Variants in CDCA2 observed in about 807,000 individuals in gnomAD.
CDCA2 encodes the protein cell division cycle associated 2.
A neutral mutation model predicts 67.0 loss-of-function variants in CDCA2; 44 were observed. That is an observed-to-expected ratio of 0.66 (90% CI 0.52 to 0.84). The LOEUF (loss-of-function observed/expected upper bound fraction) is 0.84. CDCA2 is among the 40% of genes least tolerant of loss of function. CDCA2 has a pLI of 0.00. For synonymous variants in CDCA2, 447 were observed against 418.7 expected, an observed-to-expected ratio of 1.07 and a Z score of -0.82; for missense variants, 1,253 against 1,203.2, an observed-to-expected ratio of 1.04 and a Z score of -0.61.
In CDCA2 at chr8:25,480,016, G is replaced by A. The variant is rs1173315724; in HGVS notation, c.924G>A (p.Arg308=). ...GCTCAGACGCAGTCCCTGATGTCAGGTCACCAGCTACTCCAGCCTGCAGGA... is the reference window on the plus strand; with the variant it reads ...GCTCAGACGCAGTCCCTGATGTCAGATCACCAGCTACTCCAGCCTGCAGGA... ...EVSSDAVPDV[R]SPATPACRRD... is the part of the protein sequence containing the mutation. Residue 308 remains arginine (R), a synonymous_variant, in exon 8 of 15, where the codon AGG becomes AGA. Transcript: ENST00000330560. 2 of 1,614,078 alleles carry A rather than the reference G, an allele frequency of 1.2e-6. No individual in the cohort carries two copies. Among genetic ancestry groups the A allele is most frequent in the East Asian group, 4.5e-5 (2 of 44,862 alleles).
At chr8:25,490,625 A>G (rs1803965687) in intron 13 of CDCA2, among the ~76,000 whole-genome samples, 2 of 152,146 alleles carry the variant, frequency 1.3e-5, no homozygotes, top group South Asian at 4.1e-4. Flanking sequence ...ACTGAAAAAC[A>G]GAGAAATGAA....
At chr8:25,484,355 G>GT in intron 10 of CDCA2, 145 bp downstream of exon 10, 2 of 1,121,832 alleles carry the variant, frequency 1.8e-6, no homozygotes, top group South Asian at 3.2e-5. Flanking sequence ...TTGTATGTAG[G>GT]TTTTTATGAG....
intron 4 of CDCA2, among the ~76,000 whole-genome samples, chr8:25,464,374 C>T (rs1233936188): frequency 2.0e-5 from 3 of 152,152 alleles, no homozygotes; most frequent in African/African-American, 7.2e-5. Flanking sequence ...TGTGATTGTG[C>T]CACTGCACTC....
At chr8:25,469,381 T>C (rs116954282) in intron 6 of CDCA2, among the ~76,000 whole-genome samples, 1,824 of 152,350 alleles carry the variant, frequency 0.012, 22 homozygotes, top group Middle Eastern at 0.02. Flanking sequence ...CAAGAATAAT[T>C]GTTTGTTATC....
chr8:25,467,411 A>G lies in CDCA2; in HGVS notation c.539-806A>G, dbSNP rs541385071. Among the ~76,000 whole-genome samples, 196 of 152,276 alleles carry G rather than the reference A, an allele frequency of 1.3e-3. 1 individual carries two copies. The highest frequency in any genetic ancestry group is 3.9e-3 in the Admixed American group (60 of 15,296). On this transcript the variant is annotated intron_variant, in intron 5 of 14. Coordinates refer to ENST00000330560, the MANE Select transcript of CDCA2 (RefSeq NM_152562.4). Reference sequence around the variant, plus strand: ...TTCAGATGTACCGATTTATATTTGTAGTTTGTGACTCACTTATTGTTTCAG... The same window carrying G: ...TTCAGATGTACCGATTTATATTTGTGGTTTGTGACTCACTTATTGTTTCAG...
chr8:25,473,190 G>A (rs191020081), intron 7 of CDCA2, among the ~76,000 whole-genome samples: 35 of 152,166 alleles, frequency 2.3e-4, no homozygotes, highest in Admixed American at 6.5e-4. Flanking sequence ...GAGTCTCCTC[G>A]CTTTTAGGGT....
intron 12 of CDCA2, 46 bp downstream of exon 12, chr8:25,487,380 A>C (rs763738536): frequency 7.9e-7 from 1 of 1,265,560 alleles, no homozygotes; most frequent in South Asian, 1.3e-5. Context: ...TAAATCGTGC[A>C]ATATACTTTT....
Position 25,487,260 on chromosome 8 carries a change from A to C in CDCA2, c.1459A>C (p.Ser487Arg). Reference sequence around the variant, plus strand: ...TTGTTTATCAGGCACTGATACCTTTAGTTCTTCAAATAACCATGAGAAAAT... The same window carrying C: ...TTGTTTATCAGGCACTGATACCTTTCGTTCTTCAAATAACCATGAGAAAAT... ...SETLSGTDTF[S>R]SSNNHEKISS... Residue 487 changes from serine to arginine, a missense_variant, in exon 12 of 15, where the codon AGT becomes CGT. By Grantham distance (110) the Ser-to-Arg change is moderately radical. Coordinates refer to ENST00000330560, the MANE Select transcript of CDCA2 (RefSeq NM_152562.4). 1 of 1,610,788 alleles carries C rather than the reference A, an allele frequency of 6.2e-7. No homozygotes were observed. The highest frequency in any genetic ancestry group is 8.5e-7 in the Non-Finnish European group (1 of 1,177,402).
At chr8:25,483,691 T>C (rs563018311) in intron 9 of CDCA2, among the ~76,000 whole-genome samples, 1 of 152,192 alleles carries the variant, frequency 6.6e-6, no homozygotes, top group East Asian at 1.9e-4. Context: ...TTTTACTTAG[T>C]GGTGGTATTT....
At chr8:25,478,866 A>T (rs1240095748) in intron 7 of CDCA2, among the ~76,000 whole-genome samples, 1 of 128,384 alleles carries the variant, frequency 7.8e-6, no homozygotes, top group Non-Finnish European at 1.6e-5. Context: ...AATAGCATAT[A>T]TTAACTACTT....
chr8:25,460,715 T>C (rs576309812), intron 3 of CDCA2, among the ~76,000 whole-genome samples, 161 bp downstream of exon 3: 8 of 152,312 alleles, frequency 5.3e-5, no homozygotes, highest in Admixed American at 4.6e-4. Flanking sequence ...ACATGCACAG[T>C]TCATTTAGCA....
At chr8:25,490,813 T>C (rs11782713) in intron 13 of CDCA2, among the ~76,000 whole-genome samples, 61,378 of 151,914 alleles carry the variant, frequency 0.4, 12,789 homozygotes, top group African/African-American at 0.52. Flanking sequence ...GACCCTCCAG[T>C]ATTCTGCCCC....
In CDCA2 at chr8:25,490,211, G is replaced by A. The variant is rs115249146; in HGVS notation, c.1671+1522G>A. Among the ~76,000 whole-genome samples, 481 of 151,996 alleles carry A rather than the reference G, an allele frequency of 3.2e-3. 1 individual carries two copies. The highest frequency in any genetic ancestry group is 0.011 in the African/African-American group (450 of 41,440). Reference sequence around the variant, plus strand: ...AAATTGATTTCCTTCGTGTGTGTGTGTATATATATTTTAAAGCACTCTTAC... The same window carrying A: ...AAATTGATTTCCTTCGTGTGTGTGTATATATATATTTTAAAGCACTCTTAC... On this transcript the variant is annotated intron_variant, in intron 13 of 14. Coordinates refer to ENST00000330560, the MANE Select transcript of CDCA2 (RefSeq NM_152562.4).
chr8:25,487,433 A>C, intron 12 of CDCA2, 99 bp downstream of exon 12: 1 of 794,810 alleles, frequency 1.3e-6, no homozygotes. Context: ...TCTTAGTTTA[A>C]TCAGTGTCAT....
rs922692856 is a variant in CDCA2 at position 25,507,194 on chromosome 8, A to G, written c.2528A>G (p.His843Arg). 14 of 1,614,102 alleles carry G rather than the reference A, an allele frequency of 8.7e-6. No individual in the cohort carries two copies. Among genetic ancestry groups the G allele is most frequent in the African/African-American group, 6.7e-5 (5 of 74,946 alleles). Residue 843 changes from histidine to arginine, a missense_variant, in exon 15 of 15, where the codon CAT (histidine) becomes CGT (arginine). Coordinates refer to ENST00000330560, the MANE Select transcript of CDCA2 (RefSeq NM_152562.4). ...SMCYSDGRSL[H>R]LEKNGNHTPS... ...TGTTATTCTGATGGTCGAAGTTTACATTTGGAAAAAAATGGAAATCACACA... is the reference window on the plus strand; with the variant it reads ...TGTTATTCTGATGGTCGAAGTTTACGTTTGGAAAAAAATGGAAATCACACA...
intron 14 of CDCA2, among the ~76,000 whole-genome samples, chr8:25,503,829 A>G (rs753714907): frequency 2.0e-5 from 3 of 152,190 alleles, no homozygotes; most frequent in Non-Finnish European, 4.4e-5. Flanking sequence ...ATTTCTGTGC[A>G]TCCTGTTTCC....
chr8:25,501,483 G>T (rs889901859), intron 13 of CDCA2, among the ~76,000 whole-genome samples: 8 of 152,200 alleles, frequency 5.3e-5, no homozygotes, highest in African/African-American at 1.7e-4. Flanking sequence ...TGCCACTCCT[G>T]CATGGATCCA....
intron 13 of CDCA2, among the ~76,000 whole-genome samples, chr8:25,492,689 G>A (rs895607239): frequency 2.0e-5 from 3 of 152,188 alleles, no homozygotes; most frequent in African/African-American, 7.2e-5. Context: ...AGCTGTACTT[G>A]GCAGAGCCGT....
At chr8:25,487,122 T>TC in intron 11 of CDCA2, 124 bp from the exon 12 acceptor site, 1 of 625,596 alleles carries the variant, frequency 1.6e-6, no homozygotes, top group Non-Finnish European at 2.8e-6. Flanking sequence ...GCTGCTTGGC[T>TC]CCTCTTTTTT....
Sources: gnomAD v4.1 joint callset for allele counts (sites outside exome capture counted in the v4.1 genomes callset) on GRCh38, gnomAD v4.1.1 for gene constraint, MANE v1.5 for transcripts, NCBI Gene and HGNC (gene_info 2026-07-23, HGNC 2026-07-21) for gene names.